N4BP1: variants seen among roughly 807,000 people sequenced by gnomAD.
The protein encoded by N4BP1 is NEDD4-binding protein 1.
Under a neutral mutation model 70.9 loss-of-function variants are expected in N4BP1, and 21 were observed. The observed-to-expected ratio is 0.30, with a 90% CI of 0.21 to 0.43. The LOEUF (loss-of-function observed/expected upper bound fraction) is 0.43, where lower values mean the gene tolerates loss of function less well. Ranked by LOEUF, N4BP1 falls within the 20% of genes least tolerant of loss-of-function variation. The pLI, the probability that N4BP1 is intolerant of heterozygous loss-of-function variation, is 1.00. For synonymous variants in N4BP1, 387 were observed against 394.6 expected (o/e 0.98, Z 0.23); for missense variants, 936 against 1,069.4 (o/e 0.88, Z 1.74).
intron 1 of N4BP1, among the ~76,000 whole-genome samples, chr16:48,566,358 T>C (rs1029450424): frequency 6.6e-6 from 1 of 152,156 alleles, no homozygotes; most frequent in South Asian, 2.1e-4. Context: ...TCTTTTCTAA[T>C]GTAAGCATTT....
chr16:48,588,103 T>C (rs1964275071), intron 1 of N4BP1, among the ~76,000 whole-genome samples: 1 of 152,152 alleles, frequency 6.6e-6, no homozygotes, highest in Admixed American at 6.5e-5. Context: ...CTGAGGATAA[T>C]TCTCTACCCT....
chr16:48,539,153 G>C lies in N4BP1; in HGVS notation c.*3751C>G, dbSNP rs939881996. 5 of 152,302 alleles carry C rather than the reference G, an allele frequency of 3.3e-5. No homozygotes were observed. The highest frequency in any genetic ancestry group is 4.8e-5 in the African/African-American group (2 of 41,456). 9.4% of individuals were successfully genotyped at this position (152,302 alleles called of 1,614,324 possible). ...CACGGACACTAAGCTCAGGAGATGT[G>C]AACTTTGTGGTCTGGTCAAACAGCC... On this transcript the variant is annotated 3_prime_UTR_variant, in exon 7 of 7. Transcript: ENST00000262384.
chr16:48,547,701 C>T (rs1458327836), intron 5 of N4BP1, among the ~76,000 whole-genome samples: 1 of 152,190 alleles, frequency 6.6e-6, no homozygotes, highest in Non-Finnish European at 1.5e-5. Context: ...GTTTGTGCTC[C>T]ATCACACTTA....
intron 6 of N4BP1, among the ~76,000 whole-genome samples, chr16:48,544,947 G>T (rs1327849361): frequency 6.6e-6 from 1 of 152,062 alleles, no homozygotes; most frequent in Non-Finnish European, 1.5e-5. Context: ...GTGACCACCA[G>T]CTTGGAAAAC....
chr16:48,605,024 A>G (rs1428061683), intron 1 of N4BP1, among the ~76,000 whole-genome samples: 2 of 152,000 alleles, frequency 1.3e-5, no homozygotes, highest in Non-Finnish European at 2.9e-5. Flanking sequence ...TTGATCTAAA[A>G]GAAGGGTTCT....
intron 1 of N4BP1, among the ~76,000 whole-genome samples, chr16:48,590,251 C>T (rs1330099555): frequency 6.6e-6 from 1 of 152,154 alleles, no homozygotes; most frequent in Non-Finnish European, 1.5e-5. Context: ...ACTTTGACCC[C>T]CATGATTCCA....
At chr16:48,590,827 C>T (rs1034356763) in intron 1 of N4BP1, among the ~76,000 whole-genome samples, 2 of 152,140 alleles carry the variant, frequency 1.3e-5, no homozygotes, top group Non-Finnish European at 2.9e-5. Flanking sequence ...GCTCCATCAC[C>T]GAGTGTCTGT....
chr16:48,592,386 T>A (rs1005630472), intron 1 of N4BP1, among the ~76,000 whole-genome samples: 1 of 152,128 alleles, frequency 6.6e-6, no homozygotes, highest in African/African-American at 2.4e-5. Context: ...TGAGAATGTC[T>A]TTGCTTTCCA....
At chr16:48,559,292 T>G (rs1271813023) in intron 2 of N4BP1, among the ~76,000 whole-genome samples, 2 of 152,184 alleles carry the variant, frequency 1.3e-5, no homozygotes, top group Admixed American at 1.3e-4. Context: ...TCTTAAAAAC[T>G]CAGGGCATTT....
At chr16:48,571,362 C>T (rs927822011) in intron 1 of N4BP1, among the ~76,000 whole-genome samples, 2 of 152,194 alleles carry the variant, frequency 1.3e-5, no homozygotes, top group African/African-American at 4.8e-5. Flanking sequence ...CTATATCTGA[C>T]CCAAGATAGA....
chr16:48,592,233 G>A (rs1487604861), intron 1 of N4BP1, among the ~76,000 whole-genome samples: 1 of 152,150 alleles, frequency 6.6e-6, no homozygotes, highest in East Asian at 1.9e-4. Flanking sequence ...CATCCCCCCA[G>A]AACAGAAACA....
chr16:48,583,404 G>T (rs970743824), intron 1 of N4BP1, among the ~76,000 whole-genome samples: 4 of 152,180 alleles, frequency 2.6e-5, no homozygotes, highest in African/African-American at 9.7e-5. Flanking sequence ...GCACAGTTTG[G>T]GGAAGGGATT....
At chr16:48,607,986 C>T (rs1486097669) in intron 1 of N4BP1, among the ~76,000 whole-genome samples, 4 of 152,144 alleles carry the variant, frequency 2.6e-5, no homozygotes. Flanking sequence ...CTCAGCCTCC[C>T]GAGTAGCTGG....
chr16:48,564,712 T>A (rs1033260917), intron 1 of N4BP1, among the ~76,000 whole-genome samples: 9 of 152,246 alleles, frequency 5.9e-5, no homozygotes, highest in Non-Finnish European at 1.0e-4. Flanking sequence ...TGGAATTTTA[T>A]CAGCAATTGT....
At chr16:48,593,563 A>G (rs868860726) in intron 1 of N4BP1, among the ~76,000 whole-genome samples, 1 of 152,242 alleles carries the variant, frequency 6.6e-6, no homozygotes, top group Non-Finnish European at 1.5e-5. Flanking sequence ...TTTTCCATAA[A>G]TTGAACATTG....
chr16:48,610,119 C>T lies in N4BP1; in HGVS notation c.-147G>A. ...CCGCGCCCCGCCGCCCGCCCTCAGG[C>T]CCGGCTATACCATCCCGCCACGACC... On this transcript the variant is annotated 5_prime_UTR_variant, in exon 1 of 7. Coordinates refer to ENST00000262384, the MANE Select transcript of N4BP1 (RefSeq NM_153029.4). The T allele has an allele frequency of 1.8e-5, 4 of 228,496 alleles. No homozygotes were observed. Among genetic ancestry groups the T allele is most frequent in the Non-Finnish European group, 2.9e-5 (4 of 136,500 alleles). The allele number at this position is 228,496 out of a possible 1,614,324, so 14.2% of individuals were successfully genotyped here. A position where few individuals can be genotyped will look rare whatever the true frequency, so the allele number is the denominator to read the frequency against.
At chr16:48,582,712 T>C (rs1402077442) in intron 1 of N4BP1, among the ~76,000 whole-genome samples, 2 of 152,168 alleles carry the variant, frequency 1.3e-5, no homozygotes, top group African/African-American at 4.8e-5. Context: ...ACGTTGTATA[T>C]ATAGGACTCG....
At chr16:48,547,746 T>C (rs1012788229) in intron 5 of N4BP1, among the ~76,000 whole-genome samples, 1 of 152,222 alleles carries the variant, frequency 6.6e-6, no homozygotes, top group African/African-American at 2.4e-5. Context: ...AAAACTCTGA[T>C]GCCCTAGAAG....
intron 1 of N4BP1, among the ~76,000 whole-genome samples, chr16:48,602,435 T>C (rs1964516060): frequency 6.6e-6 from 1 of 152,210 alleles, no homozygotes; most frequent in African/African-American, 2.4e-5. Context: ...CCTACAATAC[T>C]GGCTGGGAAA....
Sources: gnomAD v4.1 joint callset for allele counts (sites outside exome capture counted in the v4.1 genomes callset) on GRCh38, gnomAD v4.1.1 for gene constraint, MANE v1.5 for transcripts, NCBI Gene and HGNC (gene_info 2026-07-23, HGNC 2026-07-21) for gene names.